Variants in PRICKLE1 observed in about 807,000 individuals in gnomAD.
The protein encoded by PRICKLE1 is prickle planar cell polarity protein 1.
PRICKLE1 carries 14 observed loss-of-function variants against 70.2 expected under a neutral mutation model. The observed-to-expected ratio is 0.20, with a 90% CI of 0.13 to 0.31. The LOEUF is 0.31. PRICKLE1 is among the 10% of genes least tolerant of loss of function. The probability of loss-of-function intolerance (pLI) is 1.00; values close to 1 mark genes in which losing one functional copy is unlikely to be tolerated. For synonymous variants in PRICKLE1, 357 were observed against 379.9 expected (o/e 0.94, Z 0.70); for missense variants, 821 against 1,026.2 (o/e 0.80, Z 2.73).
chr12:42,512,209 C>T (rs1669940), intron 1 of PRICKLE1, among the ~76,000 whole-genome samples: 31,173 of 152,166 alleles, frequency 0.2, 4,717 homozygotes, highest in African/African-American at 0.41. Context: ...CTTGCTCTGT[C>T]ACCCAGGATG....
At position 42,464,355 on chromosome 12, in the gene PRICKLE1, C is replaced by T. The variant is rs1333145563; in HGVS notation, c.1639+40G>A. 1 of 1,613,386 alleles carries T rather than the reference C, an allele frequency of 6.2e-7. No homozygotes were observed. The highest frequency in any genetic ancestry group is 1.3e-5 in the African/African-American group (1 of 75,028). The stretch of plus-strand genomic sequence containing the variant: ...ATTTTTTGAATACACTTTTTAGTAG[C>T]TCCTTTTTTCAAATACCCCATAATC... On this transcript the variant is annotated intron_variant, in intron 7 of 7. Coordinates refer to ENST00000345127, the MANE Select transcript of PRICKLE1 (RefSeq NM_153026.3). This position sits in a 1 kb window ranked among gnomAD's most constrained non-coding sequence, Gnocchi z 4.2.
intron 1 of PRICKLE1, among the ~76,000 whole-genome samples, chr12:42,538,412 C>G (rs1234975170): frequency 6.6e-6 from 1 of 152,112 alleles, no homozygotes; most frequent in African/African-American, 2.4e-5. Context: ...CTCAGCATTT[C>G]TCAAACTTAA....
chr12:42,585,232 A>C (rs930985080), intron 1 of PRICKLE1, among the ~76,000 whole-genome samples: 2 of 152,210 alleles, frequency 1.3e-5, no homozygotes, highest in East Asian at 3.8e-4. Context: ...TGCAGCTTAC[A>C]TTTTAAAATG....
At chr12:42,567,726 C>G (rs551424177) in intron 1 of PRICKLE1, among the ~76,000 whole-genome samples, 1 of 146,872 alleles carries the variant, frequency 6.8e-6, no homozygotes, top group East Asian at 2.0e-4. Context: ...ACTCGAGAGG[C>G]TGAGGCAGGA....
At chr12:42,553,862 G>A (rs868354890) in intron 1 of PRICKLE1, among the ~76,000 whole-genome samples, 1 of 152,162 alleles carries the variant, frequency 6.6e-6, no homozygotes, top group Non-Finnish European at 1.5e-5. Context: ...CAGCACTTTG[G>A]GAGGCTGAGA....
At chr12:42,551,957 A>G (rs1341845815) in intron 1 of PRICKLE1, among the ~76,000 whole-genome samples, 1 of 152,186 alleles carries the variant, frequency 6.6e-6, no homozygotes, top group Non-Finnish European at 1.5e-5. Flanking sequence ...CTTAACCTAC[A>G]GTATGGCATG....
In PRICKLE1 at chr12:42,466,250, C is replaced by T; in HGVS notation, c.719G>A (p.Cys240Tyr). The T allele has an allele frequency of 6.2e-7, 1 of 1,614,230 alleles. No homozygotes were observed. Among genetic ancestry groups the T allele is most frequent in the Non-Finnish European group, 8.5e-7 (1 of 1,180,046 alleles). The change falls in exon 6 of 8, where the codon TGT (cysteine) becomes TAT (tyrosine). Residue 240 changes from cysteine to tyrosine, a missense_variant. Physicochemically the swap from Cys to Tyr is radical, Grantham distance 194 (BLOSUM62 -2). Transcript: ENST00000345127. The stretch of plus-strand genomic sequence containing the variant: ...CGCATAGAGAGACTCAAAACAGCCA[C>T]AGCAGAAGGGGCGGCCGTCCTTCAT... Reference protein sequence around the residue: ...YIMKDGRPFCCGCFESLYAEY... With the variant: ...YIMKDGRPFCYGCFESLYAEY...
chr12:42,538,566 T>A (rs17566565), intron 1 of PRICKLE1, among the ~76,000 whole-genome samples: 23,901 of 152,258 alleles, frequency 0.16, 2,066 homozygotes, highest in Non-Finnish European at 0.21. Flanking sequence ...GATCACTCCA[T>A]GTCCCGAGCA....
chr12:42,519,015 A>G (rs2120457333), intron 1 of PRICKLE1, among the ~76,000 whole-genome samples: 1 of 152,196 alleles, frequency 6.6e-6, no homozygotes, highest in Admixed American at 6.5e-5. Context: ...CAGACCTGAA[A>G]TGTTGCAAAG....
chr12:42,559,631 T>C (rs1361131724), intron 1 of PRICKLE1, among the ~76,000 whole-genome samples: 1 of 97,024 alleles, frequency 1.0e-5, no homozygotes, highest in Non-Finnish European at 1.9e-5. Flanking sequence ...TATATTTTTT[T>C]TTTTTGGGGG....
At chr12:42,527,391 T>C (rs1199074161) in intron 1 of PRICKLE1, among the ~76,000 whole-genome samples, 9 of 152,236 alleles carry the variant, frequency 5.9e-5, no homozygotes, top group Non-Finnish European at 1.2e-4. Flanking sequence ...CCTTGGCCTC[T>C]CAAAGTGCTG....
intron 1 of PRICKLE1, among the ~76,000 whole-genome samples, chr12:42,578,983 G>A (rs963882359): frequency 2.0e-5 from 3 of 152,002 alleles, no homozygotes; most frequent in Non-Finnish European, 2.9e-5. Context: ...GGCTGGTGTC[G>A]AACTCCTGAC....
rs748636455 is a variant in PRICKLE1 at position 42,464,889 on chromosome 12, C to T, written c.1145G>A (p.Arg382Lys). The T allele has an allele frequency of 1.1e-5, 17 of 1,614,100 alleles. No homozygotes were observed. In the African/African-American group the frequency reaches 2.0e-4, roughly 19 times the overall value. The change falls in exon 7 of 8, where the codon AGA (arginine) becomes AAA (lysine). Residue 382 changes from arginine to lysine, a missense_variant. Arg to Lys is a conservative substitution (Grantham distance 26). Transcript: ENST00000345127. This position sits in a 1 kb window ranked among gnomAD's most constrained non-coding sequence, Gnocchi z 4.2. ...TTCACTGGCAAAACTTGTTCCTTGTCTGGAGAGACTCAGATCATCCAATTT... is the reference window on the plus strand; with the variant it reads ...TTCACTGGCAAAACTTGTTCCTTGTTTGGAGAGACTCAGATCATCCAATTT... ...SRKLDDLSLSRQGTSFASEEF... is the reference protein window; with the variant it reads ...SRKLDDLSLSKQGTSFASEEF...
At position 42,580,583 on chromosome 12, in the gene PRICKLE1, A is replaced by G. The variant is rs137960373; in HGVS notation, c.-49+8882T>C. On this transcript the variant is annotated intron_variant, in intron 1 of 7. Transcript: ENST00000345127. Reference sequence around the variant, plus strand: ...GCGAGAGGTGTTTGCAAGTTGACAAAATATACACTGAGCATATTATTTGAA... The same window carrying G: ...GCGAGAGGTGTTTGCAAGTTGACAAGATATACACTGAGCATATTATTTGAA... 5.9e-3 allele frequency among the ~76,000 whole-genome samples: 897 copies of G among 152,308 alleles called. 11 individuals are homozygous for G. The highest frequency in any genetic ancestry group is 0.02 in the African/African-American group (842 of 41,560).
intron 1 of PRICKLE1, among the ~76,000 whole-genome samples, chr12:42,555,617 G>A (rs1016879095): frequency 6.6e-6 from 1 of 152,098 alleles, no homozygotes; most frequent in Non-Finnish European, 1.5e-5. Flanking sequence ...AAATGACACA[G>A]AGCTCAGAGT....
chr12:42,531,834 T>A (rs1784263859), intron 1 of PRICKLE1, among the ~76,000 whole-genome samples: 1 of 152,240 alleles, frequency 6.6e-6, no homozygotes, highest in Admixed American at 6.5e-5. Flanking sequence ...TTTTTTACTT[T>A]CTTCATTTAT....
At chr12:42,574,721 C>T (rs1045308837) in intron 1 of PRICKLE1, among the ~76,000 whole-genome samples, 3 of 152,204 alleles carry the variant, frequency 2.0e-5, no homozygotes, top group East Asian at 1.9e-4. Flanking sequence ...AAAAAACAAA[C>T]GAATAAACAT....
intron 1 of PRICKLE1, among the ~76,000 whole-genome samples, chr12:42,477,948 C>A (rs2140142274): frequency 7.2e-6 from 1 of 139,040 alleles, no homozygotes; most frequent in Admixed American, 7.3e-5. Flanking sequence ...AGTGGCCCTG[C>A]CCTATACTTT....
At position 42,458,189 on chromosome 12, in the gene PRICKLE1, T is replaced by C. The variant is rs1937648743; in HGVS notation, c.*1620A>G. On this transcript the variant is annotated 3_prime_UTR_variant, in exon 8 of 8. Coordinates refer to ENST00000345127, the MANE Select transcript of PRICKLE1 (RefSeq NM_153026.3). Reference sequence around the variant, plus strand: ...AGTCTATATGGAAAAAATAAGCCTCTGTGTCTGAAGCCCTATTTCTGGCCT... The same window carrying C: ...AGTCTATATGGAAAAAATAAGCCTCCGTGTCTGAAGCCCTATTTCTGGCCT... The C allele has an allele frequency of 6.6e-6, 1 of 152,224 alleles. No homozygotes were observed. Among genetic ancestry groups the C allele is most frequent in the African/African-American group, 2.4e-5 (1 of 41,462 alleles). 9.4% of individuals were successfully genotyped at this position (152,224 alleles called of 1,614,324 possible). A position where few individuals can be genotyped will look rare whatever the true frequency, so the allele number is the denominator to read the frequency against.
Sources: gnomAD v4.1 joint callset for allele counts (sites outside exome capture counted in the v4.1 genomes callset) on GRCh38, gnomAD v4.1.1 for gene constraint, Gnocchi (gnomAD v3.1) non-coding constraint, MANE v1.5 for transcripts, NCBI Gene and HGNC (gene_info 2026-07-23, HGNC 2026-07-21) for gene names.